The following ANKS1B variants were observed in gnomAD, a reference collection of about 807,000 sequenced individuals.
ANKS1B encodes ankyrin repeat and sterile alpha motif domain containing 1B, also known as ankyrin repeat and sterile alpha motif domain-containing protein 1B.
ANKS1B carries 36 observed loss-of-function variants against 148.3 expected under a neutral mutation model. The ratio of observed to expected loss-of-function variants is 0.24; its 90% CI spans 0.19 to 0.32. The LOEUF is 0.32. Ranked by LOEUF, ANKS1B falls within the 10% of genes least tolerant of loss-of-function variation. The pLI is 1.00. For synonymous variants in ANKS1B, 542 were observed against 560.8 expected (o/e 0.97, Z 0.47); for missense variants, 1,157 against 1,542.6 (o/e 0.75, Z 4.19).
intron 25 of ANKS1B, among the ~76,000 whole-genome samples, chr12:98,756,727 CTTTT>C (rs1197713336): frequency 1.6e-5 from 2 of 127,432 alleles, no homozygotes. Context: ...CTCCATCTAT[CTTTT>C]TTTTTTTTTT....
intron 8 of ANKS1B, among the ~76,000 whole-genome samples, chr12:99,718,873 G>A (rs1032773251): frequency 6.6e-6 from 1 of 152,188 alleles, no homozygotes; most frequent in Admixed American, 6.5e-5. Flanking sequence ...AGGCTTCACA[G>A]ACAGCCCCCA....
chr12:99,019,966 T>G (rs73386511), intron 17 of ANKS1B, among the ~76,000 whole-genome samples: 6,465 of 152,234 alleles, frequency 0.042, 274 homozygotes, highest in African/African-American at 0.095. Flanking sequence ...GAAAAAGAAT[T>G]CAGAATAATC....
intron 10 of ANKS1B, among the ~76,000 whole-genome samples, chr12:99,483,178 A>C (rs1016564674): frequency 1.3e-5 from 2 of 151,706 alleles, no homozygotes; most frequent in Admixed American, 6.6e-5. Flanking sequence ...GGTCCCTTCT[A>C]TGCCTCATTT....
At chr12:99,617,320 C>T (rs1380576341) in intron 9 of ANKS1B, among the ~76,000 whole-genome samples, 1 of 152,068 alleles carries the variant, frequency 6.6e-6, no homozygotes, top group African/African-American at 2.4e-5. Flanking sequence ...ATAAATCATT[C>T]CACTATGACG....
chr12:99,411,197 C>A (rs932923643), intron 11 of ANKS1B, among the ~76,000 whole-genome samples: 3 of 152,210 alleles, frequency 2.0e-5, no homozygotes, highest in African/African-American at 7.2e-5. Flanking sequence ...GGGCCAGGAG[C>A]ACCAGGGTTG....
chr12:99,552,876 T>C (rs1364132116), intron 9 of ANKS1B, among the ~76,000 whole-genome samples: 1 of 152,204 alleles, frequency 6.6e-6, no homozygotes, highest in East Asian at 1.9e-4. Flanking sequence ...TAACTAGTTG[T>C]TATACTATAT....
At chr12:99,157,765 T>C (rs983580518) in intron 14 of ANKS1B, among the ~76,000 whole-genome samples, 2 of 152,154 alleles carry the variant, frequency 1.3e-5, no homozygotes, top group African/African-American at 4.8e-5. Flanking sequence ...ACTTTGGATA[T>C]ATCCATGTAA....
intron 17 of ANKS1B, among the ~76,000 whole-genome samples, chr12:99,006,613 A>G (rs2099936289): frequency 6.6e-6 from 1 of 152,186 alleles, no homozygotes; most frequent in Non-Finnish European, 1.5e-5. Flanking sequence ...CTTGTTGCAA[A>G]TCCTGCTATG....
At chr12:99,759,935 T>A (rs7486278) in intron 8 of ANKS1B, among the ~76,000 whole-genome samples, 67,575 of 151,312 alleles carry the variant, frequency 0.45, 15,441 homozygotes, top group South Asian at 0.61. Context: ...TTAGAGATTA[T>A]AAAGAGATTA....
intron 19 of ANKS1B, among the ~76,000 whole-genome samples, chr12:98,822,795 C>T (rs1431995094): frequency 6.6e-6 from 1 of 152,128 alleles, no homozygotes; most frequent in African/African-American, 2.4e-5. Flanking sequence ...ATGACCTTGA[C>T]AGGGAAGAAA....
intron 17 of ANKS1B, among the ~76,000 whole-genome samples, chr12:99,012,926 G>T (rs1047814029): frequency 5.3e-5 from 8 of 152,148 alleles, no homozygotes; most frequent in Admixed American, 3.9e-4. Context: ...TCATTCCCAA[G>T]CAGTTTAACT....
At chr12:99,535,710 T>C (rs944117978) in intron 9 of ANKS1B, among the ~76,000 whole-genome samples, 2 of 152,072 alleles carry the variant, frequency 1.3e-5, no homozygotes, top group African/African-American at 4.8e-5. Flanking sequence ...TTCAAGTTCT[T>C]CACCTATTTT....
Position 99,403,346 on chromosome 12 carries a change from G to A in ANKS1B, c.1576-3535C>T, listed in dbSNP as rs1446779562. On this transcript the variant is annotated intron_variant, in intron 11 of 26. Transcript: ENST00000683438. The stretch of plus-strand genomic sequence containing the variant: ...TAATTTCTGTCTTTTTAGTAGAGAC[G>A]GGGTTTTGCCGTGTTGGTCAGGCTG... Among the ~76,000 whole-genome samples, 6 of 142,182 alleles carry A rather than the reference G, an allele frequency of 4.2e-5. 2 individuals are homozygous for A. Among genetic ancestry groups the A allele is most frequent in the African/African-American group, 8.1e-5 (3 of 36,964 alleles). 93.3% of individuals were successfully genotyped at this position (142,182 alleles called of 152,430 possible). A position where few individuals can be genotyped will look rare whatever the true frequency, so the allele number is the denominator to read the frequency against.
intron 9 of ANKS1B, among the ~76,000 whole-genome samples, chr12:99,616,764 T>A (rs1350142462): frequency 6.6e-6 from 1 of 152,120 alleles, no homozygotes; most frequent in African/African-American, 2.4e-5. Context: ...CCAGAACCAA[T>A]GGCAACAAAA....
chr12:99,295,454 C>G (rs2080732581), intron 12 of ANKS1B, among the ~76,000 whole-genome samples: 1 of 152,114 alleles, frequency 6.6e-6, no homozygotes, highest in African/African-American at 2.4e-5. Flanking sequence ...ATATTAACTC[C>G]TTTATAAGAT....
intron 10 of ANKS1B, among the ~76,000 whole-genome samples, chr12:99,447,075 T>G (rs1326894311): frequency 6.6e-6 from 1 of 152,048 alleles, no homozygotes; most frequent in South Asian, 2.1e-4. Flanking sequence ...CAAAATATAC[T>G]ACAAAGCTAT....
chr12:99,477,877 A>G (rs937114584), intron 10 of ANKS1B, among the ~76,000 whole-genome samples: 8 of 152,152 alleles, frequency 5.3e-5, no homozygotes, highest in Admixed American at 5.2e-4. Flanking sequence ...TCTCATAGAA[A>G]TAAAGGCACC....
In ANKS1B at chr12:98,848,977, G is replaced by A. The variant is rs1595422216; in HGVS notation, c.2779-16841C>T. ...TGGTCTCAAACTCCTGACCTCAAGTGATCTGCTCACCTCGGCCTCCCCAAA... is the reference window on the plus strand; with the variant it reads ...TGGTCTCAAACTCCTGACCTCAAGTAATCTGCTCACCTCGGCCTCCCCAAA... On this transcript the variant is annotated intron_variant, in intron 17 of 26. Transcript: ENST00000683438. Among the ~76,000 whole-genome samples, 4 of 152,026 alleles carry A rather than the reference G, an allele frequency of 2.6e-5. No individual in the cohort carries two copies. The South Asian group carries it at 8.3e-4, about 32-fold the overall frequency.
At chr12:99,793,973 G>C (rs189053476) in intron 4 of ANKS1B, among the ~76,000 whole-genome samples, 2 of 151,828 alleles carry the variant, frequency 1.3e-5, no homozygotes, top group African/African-American at 4.8e-5. Flanking sequence ...AAACTTTACA[G>C]GAAAACATCT....
Sources: allele counts gnomAD v4.1 joint callset (sites outside exome capture counted in the v4.1 genomes callset), GRCh38; gene constraint gnomAD v4.1.1; transcripts MANE v1.5; gene names NCBI Gene and HGNC (gene_info 2026-07-23, HGNC 2026-07-21).